Variants in PRELID2 observed in about 807,000 individuals in gnomAD.
PRELID2 encodes the protein PRELI domain-containing protein 2.
Under a neutral mutation model 28.4 loss-of-function variants are expected in PRELID2, and 25 were observed. That is an observed-to-expected ratio of 0.88 (90% CI 0.64 to 1.23). The LOEUF is 1.23. PRELID2 is among the 50% of genes most tolerant of loss of function. The pLI, the probability that PRELID2 is intolerant of heterozygous loss-of-function variation, is 0.00. For synonymous variants in PRELID2, 76 were observed against 71.6 expected (o/e 1.06, Z -0.31); for missense variants, 201 against 214.4 (o/e 0.94, Z 0.39).
chr5:145,296,040 A>G, the PRELID2 span, among the ~76,000 whole-genome samples: 1 of 152,052 alleles, frequency 6.6e-6, no homozygotes, highest in Non-Finnish European at 1.5e-5. Flanking sequence ...TTAATTGATT[A>G]ATTTTGTGAG....
the PRELID2 span, among the ~76,000 whole-genome samples, chr5:145,233,707 A>C: frequency 6.6e-6 from 1 of 152,214 alleles, no homozygotes. Context: ...CTTCTGTGGC[A>C]GTAAACATCG....
At chr5:145,442,997 G>A in the PRELID2 span, among the ~76,000 whole-genome samples, 5 of 151,924 alleles carry the variant, frequency 3.3e-5, no homozygotes, top group South Asian at 2.1e-4. Flanking sequence ...ATGGACAGGC[G>A]CCCCCCATGT....
At chr5:145,625,327 G>A (rs1342221880) in intron 1 of PRELID2, among the ~76,000 whole-genome samples, 3 of 151,904 alleles carry the variant, frequency 2.0e-5, no homozygotes, top group African/African-American at 4.8e-5. Context: ...ACTATTGAGA[G>A]GAAAATAAAT....
the PRELID2 span, among the ~76,000 whole-genome samples, chr5:145,293,426 C>G: frequency 6.6e-6 from 1 of 152,190 alleles, no homozygotes; most frequent in East Asian, 1.9e-4. Flanking sequence ...TTACAATAAT[C>G]CTAGATAGTA....
the PRELID2 span, among the ~76,000 whole-genome samples, chr5:145,424,327 C>A: frequency 6.6e-6 from 1 of 152,204 alleles, no homozygotes; most frequent in Admixed American, 6.5e-5. Flanking sequence ...GGGCGCCCCT[C>A]CCCCAGCCTT....
At chr5:145,727,392 G>A (rs1756200744) in intron 1 of PRELID2, among the ~76,000 whole-genome samples, 1 of 152,030 alleles carries the variant, frequency 6.6e-6, no homozygotes, top group Admixed American at 6.6e-5. Context: ...GGCCATGAGG[G>A]GTTTTAGACC....
chr5:145,537,338 C>T (rs1752707631), intron 1 of PRELID2, among the ~76,000 whole-genome samples: 1 of 151,822 alleles, frequency 6.6e-6, no homozygotes, highest in Admixed American at 6.6e-5. Flanking sequence ...AGATATATGC[C>T]CAGTAATGGG....
chr5:145,349,685 A>G, the PRELID2 span, among the ~76,000 whole-genome samples: 1 of 152,192 alleles, frequency 6.6e-6, no homozygotes, highest in Non-Finnish European at 1.5e-5. Flanking sequence ...TGCATTATAT[A>G]ATAGCATACA....
intron 1 of PRELID2, among the ~76,000 whole-genome samples, chr5:145,598,381 G>C (rs1320867424): frequency 6.6e-6 from 1 of 152,100 alleles, no homozygotes; most frequent in Non-Finnish European, 1.5e-5. Flanking sequence ...TGACAAGATG[G>C]ATTGTTCTCG....
chr5:145,262,874 C>T, the PRELID2 span, among the ~76,000 whole-genome samples: 1 of 152,014 alleles, frequency 6.6e-6, no homozygotes, highest in East Asian at 1.9e-4. Context: ...GGCATAAATG[C>T]TCACTTAAAA....
the PRELID2 span, among the ~76,000 whole-genome samples, chr5:145,396,487 T>TAAAAAAAAAA: frequency 7.8e-6 from 1 of 128,954 alleles, no homozygotes; most frequent in African/African-American, 2.8e-5. Flanking sequence ...TCACAGATTG[T>TAAAAAAAAAA]AAAAAAAAAA....
At chr5:145,302,311 T>C in the PRELID2 span, among the ~76,000 whole-genome samples, 1 of 152,008 alleles carries the variant, frequency 6.6e-6, no homozygotes, top group Non-Finnish European at 1.5e-5. Flanking sequence ...CTAATTTTTG[T>C]ATTTTTAGTA....
the PRELID2 span, among the ~76,000 whole-genome samples, chr5:145,357,743 A>G: frequency 2.0e-5 from 3 of 151,892 alleles, no homozygotes; most frequent in Non-Finnish European, 2.9e-5. Flanking sequence ...CATATTTCTG[A>G]CATTTCGGCC....
intron 1 of PRELID2, among the ~76,000 whole-genome samples, chr5:145,595,579 A>T (rs2149633997): frequency 6.6e-6 from 1 of 152,308 alleles, no homozygotes; most frequent in East Asian, 1.9e-4. Flanking sequence ...AGTGTATGCC[A>T]TACCCTGGTC....
chr5:145,286,695 AG>A, the PRELID2 span, among the ~76,000 whole-genome samples: 3 of 131,694 alleles, frequency 2.3e-5, no homozygotes, highest in African/African-American at 9.6e-5. Context: ...CCAACATAGA[AG>A]TTTTTGTTTT....
intron 1 of PRELID2, among the ~76,000 whole-genome samples, chr5:145,598,624 G>T (rs1427397265): frequency 1.3e-5 from 2 of 152,252 alleles, no homozygotes; most frequent in African/African-American, 4.8e-5. Flanking sequence ...CACTGTTGTG[G>T]CACAGTAGCA....
chr5:145,312,036 G>C, the PRELID2 span, among the ~76,000 whole-genome samples: 5 of 151,960 alleles, frequency 3.3e-5, no homozygotes, highest in African/African-American at 1.2e-4. Context: ...CATTTTTTAT[G>C]ATGAGAACAT....
At chr5:145,725,850 T>C (rs1756130189) in intron 1 of PRELID2, among the ~76,000 whole-genome samples, 1 of 152,152 alleles carries the variant, frequency 6.6e-6, no homozygotes, top group Non-Finnish European at 1.5e-5. Flanking sequence ...ACATATTCTA[T>C]AGGGAAAAAC....
chr5:145,427,555 A>G, the PRELID2 span, among the ~76,000 whole-genome samples: 6 of 152,316 alleles, frequency 3.9e-5, no homozygotes, highest in East Asian at 1.9e-4. Context: ...CGCTTATTCA[A>G]TCTCATAGTC....
Sources: gnomAD v4.1 joint callset for allele counts (sites outside exome capture counted in the v4.1 genomes callset) on GRCh38, gnomAD v4.1.1 for gene constraint, MANE v1.5 for transcripts, NCBI Gene and HGNC (gene_info 2026-07-23, HGNC 2026-07-21) for gene names.